The following ADAMTSL1 variants were observed in gnomAD, a reference collection of about 807,000 sequenced individuals.
The protein encoded by ADAMTSL1 is ADAMTS like 1, also known as ADAMTS-like protein 1.
In ADAMTSL1, 126 loss-of-function variants were observed where a neutral mutation model predicts 201.8. That is an observed-to-expected ratio of 0.62 (90% confidence interval 0.54 to 0.72). The LOEUF is 0.72. ADAMTSL1 is among the 30% of genes least tolerant of loss of function. The pLI, the probability that ADAMTSL1 is intolerant of heterozygous loss-of-function variation, is 0.00. For synonymous variants in ADAMTSL1, 1,121 were observed against 903.4 expected, an observed-to-expected ratio of 1.24 and a Z score of -4.32; for missense variants, 2,679 against 2,277.8, an observed-to-expected ratio of 1.18 and a Z score of -3.59.
chr9:18,640,197 A>G (rs1827352984), intron 7 of ADAMTSL1, among the ~76,000 whole-genome samples: 1 of 152,116 alleles, frequency 6.6e-6, no homozygotes, highest in Non-Finnish European at 1.5e-5. Flanking sequence ...AGAGGGAGAA[A>G]GGTTCCAGAA....
rs1313885191 is a variant in ADAMTSL1, at chr9:18,650,367, G to A, written c.835-7272G>A. On this transcript the variant is annotated intron_variant, in intron 7 of 28. Coordinates refer to ENST00000380548, the MANE Select transcript of ADAMTSL1 (RefSeq NM_001040272.6). ...CCTGAGTGAGGCAATGCCTCGCCCT[G>A]CTTCGGCTCGTGCACAGCGCGCTGC... is the stretch of plus-strand genomic sequence containing the variant. 4.6e-5 allele frequency among the ~76,000 whole-genome samples: 7 copies of A among 152,302 alleles called. No homozygotes were observed. In the East Asian group the frequency reaches 1.2e-3, roughly 25 times the overall value.
chr9:17,951,898 G>A (rs1163890891), intron 1 of ADAMTSL1, among the ~76,000 whole-genome samples: 2 of 151,900 alleles, frequency 1.3e-5, no homozygotes, highest in Non-Finnish European at 2.9e-5. Context: ...GCTCACTGCA[G>A]CCTCATGTTC....
In ADAMTSL1 at chr9:18,846,617, C is replaced by A. The variant is rs184191132; in HGVS notation, c.4249+16640C>A. ...CAAGAGAGAGAGGTTGTCTAACTTG[C>A]GTTTTTAAAAGCTTATTCTGACTGG... is the stretch of plus-strand genomic sequence containing the variant. On this transcript the variant is annotated intron_variant, in intron 23 of 28. Transcript: ENST00000380548. 2.6e-5 allele frequency among the ~76,000 whole-genome samples: 4 copies of A among 152,190 alleles called. No individual in the cohort carries two copies. In the South Asian group the frequency reaches 6.2e-4, roughly 24 times the overall value.
At chr9:18,474,719 A>G (rs975195438) in intron 1 of ADAMTSL1, among the ~76,000 whole-genome samples, 9 of 152,146 alleles carry the variant, frequency 5.9e-5, no homozygotes, top group African/African-American at 1.4e-4. Context: ...CCTTTAATGA[A>G]TTACTTTCCA....
chr9:18,302,478 C>A (rs10963566), intron 2 of ADAMTSL1, among the ~76,000 whole-genome samples: 22,272 of 152,108 alleles, frequency 0.15, 2,123 homozygotes, highest in African/African-American at 0.26. Context: ...TGGATATGGG[C>A]AATATTTCTC....
intron 1 of ADAMTSL1, among the ~76,000 whole-genome samples, chr9:18,153,695 A>G (rs1320067542): frequency 6.6e-6 from 1 of 152,076 alleles, no homozygotes; most frequent in Non-Finnish European, 1.5e-5. Flanking sequence ...AATGAGGAAT[A>G]AAGTCATTAC....
chr9:18,521,512 A>G (rs1818690105), intron 2 of ADAMTSL1, among the ~76,000 whole-genome samples: 1 of 151,926 alleles, frequency 6.6e-6, no homozygotes, highest in Admixed American at 6.6e-5. Context: ...TGTTTATTAA[A>G]AATAATTTAA....
chr9:18,690,468 T>C (rs1312456157), intron 13 of ADAMTSL1, among the ~76,000 whole-genome samples: 2 of 152,194 alleles, frequency 1.3e-5, no homozygotes, highest in Non-Finnish European at 2.9e-5. Context: ...ATAAGGTACC[T>C]GAATTATATT....
intron 2 of ADAMTSL1, among the ~76,000 whole-genome samples, chr9:18,357,290 A>AT (rs1247001601): frequency 3.9e-5 from 6 of 152,180 alleles, no homozygotes; most frequent in Non-Finnish European, 7.3e-5. Flanking sequence ...GTTGAAAAAA[A>AT]GAAAACTGAA....
At chr9:18,235,298 G>A (rs1830804646) in intron 2 of ADAMTSL1, among the ~76,000 whole-genome samples, 1 of 152,186 alleles carries the variant, frequency 6.6e-6, no homozygotes, top group Non-Finnish European at 1.5e-5. Context: ...CTAGGTTGGT[G>A]TTACGGGTTC....
chr9:18,258,636 A>G (rs548486670), intron 2 of ADAMTSL1, among the ~76,000 whole-genome samples: 208 of 152,204 alleles, frequency 1.4e-3, no homozygotes, highest in Non-Finnish European at 2.2e-3. Context: ...CAGGACCCTC[A>G]TGGCACCAGG....
At chr9:18,749,765 T>C (rs967411367) in intron 15 of ADAMTSL1, among the ~76,000 whole-genome samples, 1 of 152,208 alleles carries the variant, frequency 6.6e-6, no homozygotes, top group African/African-American at 2.4e-5. Flanking sequence ...ACAATATTTT[T>C]TACCCAGAAT....
chr9:17,969,060 C>A (rs1818097042), intron 1 of ADAMTSL1, among the ~76,000 whole-genome samples: 1 of 151,908 alleles, frequency 6.6e-6, no homozygotes, highest in South Asian at 2.1e-4. Flanking sequence ...GGAGTTTTCT[C>A]CTGATTCAAT....
At chr9:18,605,584 G>T (rs1392048715) in intron 4 of ADAMTSL1, among the ~76,000 whole-genome samples, 1 of 152,156 alleles carries the variant, frequency 6.6e-6, no homozygotes. Flanking sequence ...CCTGCTTTTG[G>T]TGTAGGCCCA....
intron 15 of ADAMTSL1, among the ~76,000 whole-genome samples, chr9:18,744,104 A>C (rs1189006474): frequency 1.3e-5 from 2 of 152,258 alleles, no homozygotes; most frequent in African/African-American, 4.8e-5. Flanking sequence ...TAGGAGGATG[A>C]AGTGAGATAA....
intron 20 of ADAMTSL1, among the ~76,000 whole-genome samples, chr9:18,811,999 AAC>A (rs1332406899): frequency 2.0e-5 from 3 of 152,222 alleles, no homozygotes; most frequent in African/African-American, 7.2e-5. Context: ...TGGATTGGAA[AAC>A]ACAACAAAGT....
intron 20 of ADAMTSL1, among the ~76,000 whole-genome samples, chr9:18,800,377 C>CAAAAAAAAAAAAAAAAAAA (rs58346548): frequency 9.9e-5 from 6 of 60,674 alleles, no homozygotes; most frequent in South Asian, 8.2e-4. Context: ...AACTCCATCT[C>CAAAAAAAAAAAAAAAAAAA]AAAAAAAAAA....
intron 1 of ADAMTSL1, among the ~76,000 whole-genome samples, chr9:18,036,043 G>A (rs1395273323): frequency 1.3e-5 from 2 of 152,166 alleles, no homozygotes; most frequent in African/African-American, 4.8e-5. Context: ...GGAACACTGT[G>A]CTACACAAGG....
At chr9:17,989,171 A>G (rs1259830715) in intron 1 of ADAMTSL1, among the ~76,000 whole-genome samples, 1 of 151,982 alleles carries the variant, frequency 6.6e-6, no homozygotes, top group African/African-American at 2.4e-5. Context: ...TGTAAATAGG[A>G]CATGAAACCC....
Sources: gnomAD v4.1 joint callset for allele counts (sites outside exome capture counted in the v4.1 genomes callset) on GRCh38, gnomAD v4.1.1 for gene constraint, MANE v1.5 for transcripts, NCBI Gene and HGNC (gene_info 2026-07-23, HGNC 2026-07-21) for gene names.